PRKDC: variants seen among roughly 807,000 people sequenced by gnomAD.
PRKDC encodes the protein DNA-dependent protein kinase catalytic subunit.
PRKDC carries 82 observed loss-of-function variants against 486.9 expected under a neutral mutation model. The observed-to-expected ratio is 0.17, with a 90% CI of 0.14 to 0.20. The LOEUF (loss-of-function observed/expected upper bound fraction) is 0.20, where lower values mean the gene tolerates loss of function less well. PRKDC is among the 10% of genes least tolerant of loss of function. The probability of loss-of-function intolerance (pLI) is 1.00; values close to 1 mark genes in which losing one functional copy is unlikely to be tolerated. For missense variants in PRKDC, 4,504 were observed against 5,038.2 expected, an observed-to-expected ratio of 0.89 and a Z score of 3.21; for synonymous variants, 1,895 against 1,837.0, an observed-to-expected ratio of 1.03 and a Z score of -0.81.
chr8:47,901,242 G>A (rs180671858), intron 27 of PRKDC, among the ~76,000 whole-genome samples: 2 of 152,254 alleles, frequency 1.3e-5, no homozygotes, highest in Admixed American at 1.3e-4. Context: ...TTGGGAGGCT[G>A]AGGCAGGGAT....
chr8:47,925,012 GCT>G (rs2090133872), intron 21 of PRKDC, among the ~76,000 whole-genome samples: 1 of 152,162 alleles, frequency 6.6e-6, no homozygotes, highest in Non-Finnish European at 1.5e-5. Flanking sequence ...ATCCCAGACA[GCT>G]GTCCCAACAC....
At chr8:47,799,131 G>C (rs1180237158) in intron 72 of PRKDC, 79 bp downstream of exon 72, 1 of 1,509,482 alleles carries the variant, frequency 6.6e-7, no homozygotes, top group Non-Finnish European at 9.0e-7. Flanking sequence ...CAAACAAAGA[G>C]GAGACCAAAG....
At chr8:47,842,615 G>C (rs1480005907) in intron 54 of PRKDC, among the ~76,000 whole-genome samples, 1 of 152,016 alleles carries the variant, frequency 6.6e-6, no homozygotes, top group Non-Finnish European at 1.5e-5. Flanking sequence ...ACTCCAAAAA[G>C]ATAAAGGAAC....
chr8:47,907,663 T>G (rs1214139060), intron 25 of PRKDC, among the ~76,000 whole-genome samples: 1 of 149,848 alleles, frequency 6.7e-6, no homozygotes, highest in African/African-American at 2.5e-5. Flanking sequence ...GCCTCCCAAG[T>G]AGCTGGGATT....
chr8:47,933,269 T>G, intron 15 of PRKDC, 97 bp from the exon 16 acceptor site: 2 of 1,009,302 alleles, frequency 2.0e-6, no homozygotes, highest in Non-Finnish European at 2.7e-6. Context: ...TATGTGCCGG[T>G]TTGGGTATTA....
intron 59 of PRKDC, 92 bp from the exon 60 acceptor site, chr8:47,832,018 A>C (rs1589727952): frequency 2.6e-6 from 3 of 1,161,194 alleles, no homozygotes; most frequent in Non-Finnish European, 2.5e-6. Flanking sequence ...CAAAGACAAA[A>C]CCTACAGGTG....
chr8:47,882,173 C>T (rs947884520), intron 36 of PRKDC, 76 bp from the exon 37 acceptor site: 2 of 1,336,188 alleles, frequency 1.5e-6, no homozygotes, highest in Admixed American at 2.1e-5. Flanking sequence ...ACCTTTATTT[C>T]AAAGCTATTC....
At chr8:47,801,524 A>G (rs1467930649) in intron 70 of PRKDC, among the ~76,000 whole-genome samples, 1 of 152,250 alleles carries the variant, frequency 6.6e-6, no homozygotes, top group East Asian at 1.9e-4. Flanking sequence ...ACAGAGGCTA[A>G]GCAATTGAAA....
rs150702127 is a variant in PRKDC at position 47,899,009 on chromosome 8, C to T, written c.3365-440G>A. Among the ~76,000 whole-genome samples the T allele has an allele frequency of 2.2e-4, 34 of 152,342 alleles. No homozygotes were observed. The East Asian group carries it at 6.6e-3, about 29-fold the overall frequency. On this transcript the variant is annotated intron_variant, in intron 28 of 85. Transcript: ENST00000314191. Reference sequence around the variant, plus strand: ...GGTGTAAATCCCTTGACCTCCCTTCCTATGCAGGATAAACTACGGTATCGT... The same window carrying T: ...GGTGTAAATCCCTTGACCTCCCTTCTTATGCAGGATAAACTACGGTATCGT...
At chr8:47,883,094 G>A (rs2089255727) in intron 36 of PRKDC, among the ~76,000 whole-genome samples, 1 of 152,222 alleles carries the variant, frequency 6.6e-6, no homozygotes, top group Admixed American at 6.5e-5. Context: ...CTACCCAGCA[G>A]CATCGTGATG....
chr8:47,930,035 G>T (rs1311121844), intron 17 of PRKDC, 23 bp from the exon 18 acceptor site: 2 of 1,584,958 alleles, frequency 1.3e-6, no homozygotes, highest in South Asian at 2.3e-5. Flanking sequence ...ATTAGAAATT[G>T]AAGGTAGAAA....
chr8:47,948,663 T>C (rs2090577237), intron 7 of PRKDC, among the ~76,000 whole-genome samples: 2 of 150,816 alleles, frequency 1.3e-5, no homozygotes, highest in Admixed American at 6.6e-5. Context: ...GGTTTCTCCA[T>C]GTTGGTCAGG....
chr8:47,887,495 A>C, intron 35 of PRKDC, 52 bp downstream of exon 35: 1 of 1,438,060 alleles, frequency 7.0e-7, no homozygotes, highest in South Asian at 1.6e-5. Context: ...TGCAAGTGAC[A>C]TATGTATTTC....
intron 68 of PRKDC, among the ~76,000 whole-genome samples, chr8:47,811,563 G>A (rs1464769587): frequency 6.6e-6 from 1 of 152,140 alleles, no homozygotes; most frequent in Non-Finnish European, 1.5e-5. Context: ...TTTAGAATAT[G>A]TATGACTGTT....
At chr8:47,870,100 G>C (rs900597479) in intron 40 of PRKDC, among the ~76,000 whole-genome samples, 3 of 152,304 alleles carry the variant, frequency 2.0e-5, no homozygotes, top group East Asian at 1.9e-4. Context: ...CCTGGAGCCA[G>C]GGAGAAATCA....
intron 52 of PRKDC, among the ~76,000 whole-genome samples, chr8:47,852,246 T>C (rs1464426278): frequency 6.6e-6 from 1 of 152,202 alleles, no homozygotes; most frequent in African/African-American, 2.4e-5. Context: ...GCAGCAGTAC[T>C]GAGAGGGTCG....
chr8:47,813,232 C>T lies in PRKDC; in HGVS notation c.9557+4218G>A, dbSNP rs577724024. ...TCCTGGGTTCAAGTGATTCTCCTACCTCAGCCTCCTGAGTAGCTGGGACTA... is the reference window on the plus strand; with the variant it reads ...TCCTGGGTTCAAGTGATTCTCCTACTTCAGCCTCCTGAGTAGCTGGGACTA... On this transcript the variant is annotated intron_variant, in intron 68 of 85. Transcript: ENST00000314191. Among the ~76,000 whole-genome samples the T allele has an allele frequency of 3.9e-5, 6 of 152,060 alleles. No individual in the cohort carries two copies. In the East Asian group the frequency reaches 1.2e-3, roughly 29 times the overall value.
intron 25 of PRKDC, among the ~76,000 whole-genome samples, chr8:47,908,287 G>A (rs1211978406): frequency 6.6e-6 from 1 of 152,030 alleles, no homozygotes; most frequent in Non-Finnish European, 1.5e-5. Context: ...ACATTCCATC[G>A]GCCATTTACA....
chr8:47,936,051 C>T (rs1049025122), intron 12 of PRKDC, among the ~76,000 whole-genome samples, 151 bp from the exon 13 acceptor site: 2 of 151,742 alleles, frequency 1.3e-5, no homozygotes, highest in Non-Finnish European at 2.9e-5. Flanking sequence ...ACATGTATTA[C>T]TGTGATTGCC....
Sources: allele counts gnomAD v4.1 joint callset (sites outside exome capture counted in the v4.1 genomes callset), GRCh38; gene constraint gnomAD v4.1.1; transcripts MANE v1.5; gene names NCBI Gene and HGNC (gene_info 2026-07-23, HGNC 2026-07-21).